PCLO: variants seen among roughly 807,000 people sequenced by gnomAD.
The protein encoded by PCLO is piccolo presynaptic cytomatrix protein, also known as protein piccolo.
PCLO carries 82 observed loss-of-function variants against 427.5 expected under a neutral mutation model. The ratio of observed to expected loss-of-function variants is 0.19; its 90% CI spans 0.16 to 0.23. The LOEUF (loss-of-function observed/expected upper bound fraction) is 0.23, where lower values mean the gene tolerates loss of function less well. Ranked by LOEUF, PCLO falls within the 10% of genes least tolerant of loss-of-function variation. The probability of loss-of-function intolerance (pLI) is 1.00; values close to 1 mark genes in which losing one functional copy is unlikely to be tolerated. For synonymous variants in PCLO, 2,357 were observed against 2,155.4 expected (o/e 1.09, Z -2.59); for missense variants, 6,239 against 6,115.9 (o/e 1.02, Z -0.67).
At chr7:82,784,776 A>G (rs535909553) in intron 22 of PCLO, among the ~76,000 whole-genome samples, 2 of 152,308 alleles carry the variant, frequency 1.3e-5, no homozygotes, top group Admixed American at 6.5e-5. Flanking sequence ...AAATAATATC[A>G]TGCTGTGAAT....
chr7:83,153,575 C>A (rs1000298024), intron 2 of PCLO, among the ~76,000 whole-genome samples: 2 of 152,176 alleles, frequency 1.3e-5, no homozygotes, highest in African/African-American at 4.8e-5. Context: ...TGTGTTACTT[C>A]CTGGGCTGTT....
intron 3 of PCLO, among the ~76,000 whole-genome samples, chr7:82,973,550 C>T (rs1795952243): frequency 6.6e-6 from 1 of 151,814 alleles, no homozygotes; most frequent in Admixed American, 6.6e-5. Context: ...CTGTTAGAAA[C>T]TTGTACTAGA....
At chr7:82,893,520 T>C (rs1793824859) in intron 9 of PCLO, among the ~76,000 whole-genome samples, 1 of 151,926 alleles carries the variant, frequency 6.6e-6, no homozygotes, top group Non-Finnish European at 1.5e-5. Flanking sequence ...CATGTATACA[T>C]ATGTAACAAA....
intron 10 of PCLO, among the ~76,000 whole-genome samples, chr7:82,875,798 T>A (rs192231024): frequency 4.6e-5 from 7 of 152,152 alleles, no homozygotes; most frequent in African/African-American, 7.2e-5. Context: ...TTATTGTCAA[T>A]TAAAAATCAA....
intron 3 of PCLO, among the ~76,000 whole-genome samples, chr7:83,029,699 T>C (rs1282284450): frequency 1.7e-5 from 2 of 120,756 alleles, no homozygotes; most frequent in African/African-American, 3.2e-5. Flanking sequence ...TAGCAAAGAC[T>C]TGGAACCAAC....
Position 82,999,596 on chromosome 7 carries a change from TATA to T in PCLO, c.3301-33112_3301-33110del, listed in dbSNP as rs1358185179. On this transcript the variant is annotated intron_variant, in intron 3 of 24. Coordinates refer to ENST00000333891, the MANE Select transcript of PCLO (RefSeq NM_033026.6). The stretch of plus-strand genomic sequence containing the variant: ...TATAATATTATATTAAAATATAAAA[TATA>T]ATATTATATATAAAATATAAAATAT... 9.2e-3 allele frequency among the ~76,000 whole-genome samples: 389 copies of T among 42,322 alleles called. 88 individuals carry two copies. Among genetic ancestry groups the T allele is most frequent in the Middle Eastern group, 0.045 (2 of 44 alleles). 27.8% of individuals were successfully genotyped at this position (42,322 alleles called of 152,430 possible). A position where few individuals can be genotyped will look rare whatever the true frequency, so the allele number is the denominator to read the frequency against.
chr7:82,989,388 A>C (rs757696209), intron 3 of PCLO, among the ~76,000 whole-genome samples: 8 of 152,136 alleles, frequency 5.3e-5, no homozygotes, highest in Non-Finnish European at 7.4e-5. Flanking sequence ...AAAATGTTAT[A>C]ATCAAAATCT....
intron 2 of PCLO, among the ~76,000 whole-genome samples, chr7:83,146,269 A>C (rs1311404749): frequency 6.6e-6 from 1 of 152,218 alleles, no homozygotes; most frequent in Non-Finnish European, 1.5e-5. Context: ...AAGAGTGGAC[A>C]TATGTGAGAG....
At chr7:83,071,269 T>C (rs1189518995) in intron 3 of PCLO, among the ~76,000 whole-genome samples, 1 of 152,192 alleles carries the variant, frequency 6.6e-6, no homozygotes, top group Non-Finnish European at 1.5e-5. Context: ...TCTATGAATA[T>C]GTGTTTTCTA....
intron 3 of PCLO, among the ~76,000 whole-genome samples, chr7:83,076,257 ATGG>A (rs1028427833): frequency 2.0e-5 from 3 of 151,834 alleles, no homozygotes; most frequent in African/African-American, 7.3e-5. Flanking sequence ...CAAAGGGTAA[ATGG>A]TGGAGCCATT....
intron 20 of PCLO, among the ~76,000 whole-genome samples, chr7:82,820,049 G>A (rs1370436794): frequency 6.6e-6 from 1 of 152,080 alleles, no homozygotes; most frequent in Non-Finnish European, 1.5e-5. Flanking sequence ...AGCAATGTTG[G>A]GGTCAGGTTA....
In PCLO at chr7:82,954,805, T is replaced by C; in HGVS notation, c.6148A>G (p.Thr2050Ala). Residue 2050 changes from threonine to alanine, a missense_variant, in exon 5 of 25, where the codon ACT (threonine) becomes GCT (alanine). By Grantham distance (58) the Thr-to-Ala change is moderately conservative. Around this residue, in one of 5 missense-constraint regions of PCLO, gnomAD observed 4,677 missense variants for 4,468.4 expected, o/e 1.05. Coordinates refer to ENST00000333891, the MANE Select transcript of PCLO (RefSeq NM_033026.6). The part of the protein sequence containing the change: ...HEIVDLGTMV[T>A]STEEERKLLD... ...AGTTTCCTTTCTTCTTCTGTAGAAG[T>C]TACCATAGTACCCAGGTCCACTATC... The C allele has an allele frequency of 6.2e-7, 1 of 1,613,788 alleles. No individual in the cohort carries two copies. The highest frequency in any genetic ancestry group is 2.2e-5 in the East Asian group (1 of 44,868).
At chr7:82,966,614 G>C (rs867372213) in intron 3 of PCLO, 127 bp from the exon 4 acceptor site, 1 of 488,958 alleles carries the variant, frequency 2.0e-6, no homozygotes, top group East Asian at 3.2e-5. Context: ...GTGGGTCACT[G>C]TTTTCCAAAT....
intron 3 of PCLO, among the ~76,000 whole-genome samples, chr7:82,999,317 G>GAT (rs200066863): frequency 0.016 from 2,131 of 137,100 alleles, 69 homozygotes; most frequent in African/African-American, 0.054. Flanking sequence ...AATATATATG[G>GAT]ATATGTAATA....
At chr7:82,999,340 T>TGGATTTTATTAAATATCCC (rs1787720718) in intron 3 of PCLO, among the ~76,000 whole-genome samples, 2 of 137,354 alleles carry the variant, frequency 1.5e-5, no homozygotes, top group Admixed American at 7.6e-5. Context: ...TATATCCATA[T>TGGATTTTATTAAATATCCC]ATATTTAATA....
At chr7:83,003,017 C>A (rs1003779999) in intron 3 of PCLO, among the ~76,000 whole-genome samples, 5 of 151,262 alleles carry the variant, frequency 3.3e-5, no homozygotes, top group African/African-American at 9.7e-5. Flanking sequence ...TTGCCATATA[C>A]CTTAATGGAA....
rs868179705 is a variant in PCLO, at chr7:83,162,480, G to T, written c.113C>A (p.Pro38Gln). The T allele has an allele frequency of 6.3e-7, 1 of 1,580,326 alleles. No homozygotes were observed. Among genetic ancestry groups the T allele is most frequent in the East Asian group, 2.3e-5 (1 of 42,822 alleles). Residue 38 changes from proline to glutamine, a missense_variant, in exon 1 of 25, where the codon CCG (proline) becomes CAG (glutamine). By Grantham distance (76) the Pro-to-Gln change is moderately conservative (BLOSUM62 -1). This residue lies in a region of PCLO where 4,677 missense variants were observed against 4,468.4 expected (regional missense o/e 1.05). Transcript: ENST00000333891. ...GCTCAAATCCGCCTCCATGCCGGCCGGGATCGCGGTGTGAGAGGGGCTCCC... is the reference window on the plus strand; with the variant it reads ...GCTCAAATCCGCCTCCATGCCGGCCTGGATCGCGGTGTGAGAGGGGCTCCC... Reference protein sequence around the residue: ...GAGSPSHTAIPAGMEADLSQL... With the variant: ...GAGSPSHTAIQAGMEADLSQL...
At chr7:83,091,739 G>A (rs1790383067) in intron 3 of PCLO, among the ~76,000 whole-genome samples, 2 of 152,118 alleles carry the variant, frequency 1.3e-5, no homozygotes, top group South Asian at 4.1e-4. Context: ...AGAAAAATGT[G>A]TTTAAATCAT....
rs374535615 is a variant in PCLO at position 82,955,079 on chromosome 7, T to C, written c.5874A>G (p.Glu1958=). ...GGMLIEDYIY[E]SLVEDTYNGS... ...CATTGTACGTGTCTTCTACTAAAGA[T>C]TCATAAATATAATCCTCTATTAGCA... is the stretch of plus-strand genomic sequence containing the variant. Residue 1958 remains glutamate (E), a synonymous_variant, in exon 5 of 25, where the codon GAA becomes GAG. Coordinates refer to ENST00000333891, the MANE Select transcript of PCLO (RefSeq NM_033026.6). The C allele has an allele frequency of 3.7e-6, 6 of 1,613,692 alleles. No individual in the cohort carries two copies. Among genetic ancestry groups the C allele is most frequent in the Non-Finnish European group, 5.1e-6 (6 of 1,179,878 alleles).
Sources: gnomAD v4.1 joint callset for allele counts (sites outside exome capture counted in the v4.1 genomes callset) on GRCh38, gnomAD v4.1.1 for gene constraint, gnomAD v4.1.1 regional missense constraint, MANE v1.5 for transcripts, NCBI Gene and HGNC (gene_info 2026-07-23, HGNC 2026-07-21) for gene names.